NBAS: variants seen among roughly 807,000 people sequenced by gnomAD.
NBAS encodes NAG/BC035112 fusion.
Under a neutral mutation model 302.5 loss-of-function variants are expected in NBAS, and 219 were observed. The observed-to-expected ratio is 0.72, with a 90% confidence interval of 0.65 to 0.81. The LOEUF (loss-of-function observed/expected upper bound fraction) is 0.81. Ranked by LOEUF, NBAS falls within the 30% of genes least tolerant of loss-of-function variation. NBAS has a pLI of 0.00. For synonymous variants in NBAS, 1,118 were observed against 1,021.6 expected (o/e 1.09, Z -1.80); for missense variants, 2,932 against 2,841.6 (o/e 1.03, Z -0.72).
the NBAS span, among the ~76,000 whole-genome samples, chr2:14,908,436 T>C: frequency 2.0e-5 from 3 of 152,176 alleles, no homozygotes; most frequent in African/African-American, 7.2e-5. Flanking sequence ...CATCCGAGCT[T>C]CTGAGAGCCC....
chr2:15,508,679 A>T (rs551775866), intron 10 of NBAS, among the ~76,000 whole-genome samples: 51 of 150,876 alleles, frequency 3.4e-4, no homozygotes, highest in African/African-American at 9.2e-4. Context: ...ATAATTTAAA[A>T]TTTTTTTTTT....
intron 22 of NBAS, 60 bp downstream of exon 22, chr2:15,427,651 G>A (rs1677544702): frequency 2.9e-6 from 4 of 1,359,326 alleles, no homozygotes; most frequent in Non-Finnish European, 4.2e-6. Flanking sequence ...ACTTTCACAG[G>A]GCCATCAGTT....
intron 31 of NBAS, among the ~76,000 whole-genome samples, chr2:15,370,386 T>C (rs535103509): frequency 2.6e-5 from 4 of 152,228 alleles, no homozygotes; most frequent in African/African-American, 9.6e-5. Flanking sequence ...CTCAACCTCC[T>C]AGGACAAGTG....
chr2:15,229,385 T>C (rs1667285901), intron 47 of NBAS, among the ~76,000 whole-genome samples: 1 of 146,892 alleles, frequency 6.8e-6, no homozygotes, highest in African/African-American at 2.5e-5. Flanking sequence ...GAACATTACA[T>C]TGTACCACCT....
chr2:14,921,547 C>T, the NBAS span, among the ~76,000 whole-genome samples: 1 of 152,176 alleles, frequency 6.6e-6, no homozygotes, highest in Non-Finnish European at 1.5e-5. Flanking sequence ...GCAGCAAATG[C>T]AAACACCTGG....
At chr2:15,350,671 A>G (rs899853854) in intron 35 of NBAS, among the ~76,000 whole-genome samples, 1 of 152,198 alleles carries the variant, frequency 6.6e-6, no homozygotes, top group African/African-American at 2.4e-5. Flanking sequence ...AATGAGGAAA[A>G]GGAACACAAC....
intron 21 of NBAS, among the ~76,000 whole-genome samples, chr2:15,429,753 T>G (rs1367896018): frequency 2.0e-5 from 3 of 152,224 alleles, no homozygotes; most frequent in African/African-American, 7.2e-5. Flanking sequence ...GTACCAGAGA[T>G]AGGTTTTTGA....
At chr2:15,048,732 C>T in the NBAS span, among the ~76,000 whole-genome samples, 2 of 152,230 alleles carry the variant, frequency 1.3e-5, no homozygotes, top group Non-Finnish European at 2.9e-5. Flanking sequence ...GCAACTCCTT[C>T]AGTCCTGATT....
intron 34 of NBAS, 114 bp downstream of exon 34, chr2:15,353,439 T>C: frequency 7.8e-7 from 1 of 1,287,772 alleles, no homozygotes; most frequent in Non-Finnish European, 1.1e-6. Context: ...TCTAGTTTTC[T>C]TCCATAAATT....
the NBAS span, among the ~76,000 whole-genome samples, chr2:15,091,164 C>A: frequency 6.6e-6 from 1 of 152,152 alleles, no homozygotes; most frequent in East Asian, 1.9e-4. Context: ...TCGGTTAATA[C>A]GTTATTGGCC....
chr2:15,235,501 A>T (rs1450342424), intron 45 of NBAS, among the ~76,000 whole-genome samples: 4 of 152,230 alleles, frequency 2.6e-5, no homozygotes, highest in African/African-American at 9.6e-5. Flanking sequence ...CAGATTCTTT[A>T]TAGTTTCCCT....
the NBAS span, among the ~76,000 whole-genome samples, chr2:14,859,351 G>T: frequency 5.3e-5 from 8 of 151,710 alleles, no homozygotes; most frequent in Non-Finnish European, 7.4e-5. Flanking sequence ...AATTTTTATG[G>T]TATGGAACCA....
At chr2:14,967,268 C>G in the NBAS span, among the ~76,000 whole-genome samples, 11 of 151,866 alleles carry the variant, frequency 7.2e-5, no homozygotes, top group Admixed American at 5.2e-4. Flanking sequence ...AAACTACTAG[C>G]AGAATTTTTT....
the NBAS span, among the ~76,000 whole-genome samples, chr2:14,852,674 C>G: frequency 1.6e-4 from 23 of 146,518 alleles, no homozygotes; most frequent in African/African-American, 5.2e-4. Context: ...TCAAACTATA[C>G]TACAAGGCTA....
At chr2:15,308,033 C>G (rs1671106324) in intron 40 of NBAS, among the ~76,000 whole-genome samples, 183 bp downstream of exon 40, 1 of 152,182 alleles carries the variant, frequency 6.6e-6, no homozygotes, top group Non-Finnish European at 1.5e-5. Context: ...ATATTAAACT[C>G]TACTTACTGA....
At position 15,397,347 on chromosome 2, in the gene NBAS, A is replaced by ATT. The variant is rs199576049; in HGVS notation, c.3072-874_3072-873dup. On this transcript the variant is annotated intron_variant, in intron 26 of 51. Transcript: ENST00000281513. ...AACTCCAGCAAGATCTTATGGTTTT[A>ATT]TTTATTTTTTATTTTTTTTTCAGTA... The ATT allele has an allele frequency of 3.1e-3, 750 of 240,214 alleles. 9 individuals are homozygous for ATT. The highest frequency in any genetic ancestry group is 0.016 in the African/African-American group (688 of 42,832). The allele number at this position is 240,214 out of a possible 1,614,324, so 14.9% of individuals were successfully genotyped here. A position where few individuals can be genotyped will look rare whatever the true frequency, so the allele number is the denominator to read the frequency against.
chr2:15,455,757 A>G (rs1463533096), intron 21 of NBAS, among the ~76,000 whole-genome samples: 1 of 150,860 alleles, frequency 6.6e-6, no homozygotes, highest in Non-Finnish European at 1.5e-5. Flanking sequence ...AACATAGGCA[A>G]CTAGATAGTC....
the NBAS span, among the ~76,000 whole-genome samples, chr2:15,106,439 A>G: frequency 5.0e-5 from 5 of 100,208 alleles, no homozygotes; most frequent in African/African-American, 2.0e-4. Flanking sequence ...CTGTGCCTCT[A>G]TCTCTGTCTC....
chr2:15,077,797 C>T, the NBAS span, among the ~76,000 whole-genome samples: 1 of 151,914 alleles, frequency 6.6e-6, no homozygotes, highest in Non-Finnish European at 1.5e-5. Context: ...GATTCTCCTG[C>T]CTCAGCCTCC....
Sources: allele counts gnomAD v4.1 joint callset (sites outside exome capture counted in the v4.1 genomes callset), GRCh38; gene constraint gnomAD v4.1.1; transcripts MANE v1.5; gene names NCBI Gene and HGNC (gene_info 2026-07-23, HGNC 2026-07-21).